The following PDILT variants were observed in gnomAD, a reference collection of about 807,000 sequenced individuals.
PDILT encodes protein disulfide-isomerase-like protein of the testis.
PDILT carries 43 observed loss-of-function variants against 53.7 expected under a neutral mutation model. The observed-to-expected ratio is 0.80, with a 90% CI of 0.63 to 1.03. PDILT has a LOEUF of 1.03. Ranked by LOEUF, PDILT falls within the 50% of genes least tolerant of loss-of-function variation. The pLI, the probability that PDILT is intolerant of heterozygous loss-of-function variation, is 0.00. For synonymous variants in PDILT, 282 were observed against 274.2 expected (o/e 1.03, Z -0.28); for missense variants, 727 against 712.3 (o/e 1.02, Z -0.24).
In PDILT at chr16:20,372,367, AC is replaced by A. The variant is rs1268230312; in HGVS notation, c.918+434del. 3.3e-5 allele frequency among the ~76,000 whole-genome samples: 5 copies of A among 152,328 alleles called. No individual in the cohort carries two copies. The East Asian group carries it at 9.6e-4, about 29-fold the overall frequency. The stretch of plus-strand genomic sequence containing the variant: ...GTTAAAGCCCAGAATCTTAGCAATT[AC>A]TTGCCAGACAATCTGTGCTACTCCC... On this transcript the variant is annotated intron_variant, in intron 7 of 11. Transcript: ENST00000302451.
At chr16:20,385,203 T>C (rs969709821) in intron 2 of PDILT, among the ~76,000 whole-genome samples, 2 of 152,350 alleles carry the variant, frequency 1.3e-5, no homozygotes, top group East Asian at 1.9e-4. Flanking sequence ...CAACCAGCTA[T>C]AATTGCTTAT....
At chr16:20,399,419 G>T in intron 1 of PDILT, 112 bp from the exon 2 acceptor site, 1 of 1,146,578 alleles carries the variant, frequency 8.7e-7, no homozygotes, top group Non-Finnish European at 1.2e-6. Context: ...TGTGGCCTGA[G>T]CATTGCCTCC....
intron 3 of PDILT, among the ~76,000 whole-genome samples, chr16:20,377,318 A>T (rs1369634955): frequency 6.6e-6 from 1 of 152,234 alleles, no homozygotes; most frequent in African/African-American, 2.4e-5. Context: ...ATTCGTTGTG[A>T]GTAGCTTTGA....
chr16:20,360,509 A>C, intron 11 of PDILT, 59 bp downstream of exon 11: 1 of 1,416,344 alleles, frequency 7.1e-7, no homozygotes, highest in South Asian at 1.2e-5. Flanking sequence ...GTTGTCCATT[A>C]AGTTCCTAGG....
intron 11 of PDILT, among the ~76,000 whole-genome samples, chr16:20,359,840 G>GCACCA (rs1190824794): frequency 1.3e-5 from 2 of 152,210 alleles, no homozygotes; most frequent in Non-Finnish European, 2.9e-5. Context: ...TGTGGCTCCT[G>GCACCA]CACCACTAGC....
Position 20,376,126 on chromosome 16 carries a change from C to T in PDILT, c.485G>A (p.Ser162Asn). The change falls in exon 4 of 12, where the codon AGC becomes AAC. Residue 162 changes from serine (S) to asparagine (N), a missense_variant. Coordinates refer to ENST00000302451, the MANE Select transcript of PDILT (RefSeq NM_174924.2). The part of the protein sequence containing the change: ...ISQKAFLFNS[S>N]EQVAEFVISR... ...TATCACAAACTCTGCCACCTGCTCG[C>T]TGCTGTTGAACAAAAATGCTTTCTG... The T allele has an allele frequency of 6.2e-7, 1 of 1,614,198 alleles. No individual in the cohort carries two copies. Among genetic ancestry groups the T allele is most frequent in the African/African-American group, 1.3e-5 (1 of 75,064 alleles).
rs1966136928 is a variant in PDILT, at chr16:20,363,449, G to A, written c.1238-867C>T. On this transcript the variant is annotated intron_variant, in intron 9 of 11. Coordinates refer to ENST00000302451, the MANE Select transcript of PDILT (RefSeq NM_174924.2). ...GATGACTTTAATGTTCTTCCAAAAA[G>A]TGTGTGTGTGTTTTTGTGTATGTGT... Among the ~76,000 whole-genome samples, 3 of 137,506 alleles carry A rather than the reference G, an allele frequency of 2.2e-5. 1 individual carries two copies. Among genetic ancestry groups the A allele is most frequent in the East Asian group, 4.2e-4 (2 of 4,794 alleles). The allele number at this position is 137,506 out of a possible 152,430, so 90.2% of individuals were successfully genotyped here.
intron 2 of PDILT, among the ~76,000 whole-genome samples, chr16:20,389,670 G>T (rs973131769): frequency 1.3e-5 from 2 of 152,140 alleles, no homozygotes; most frequent in African/African-American, 4.8e-5. Flanking sequence ...TGTCTGCTTG[G>T]TGTGTAGATG....
rs185574862 is a variant in PDILT at position 20,389,078 on chromosome 16, G to A, written c.203-4227C>T. Among the ~76,000 whole-genome samples the A allele has an allele frequency of 3.6e-3, 554 of 152,150 alleles. 4 individuals are homozygous for A. Among genetic ancestry groups the A allele is most frequent in the African/African-American group, 0.013 (530 of 41,500 alleles). On this transcript the variant is annotated intron_variant, in intron 2 of 11. Transcript: ENST00000302451. ...TTGGCCAGGTATGGAGACAATTCAC[G>A]TGTATATTGGCACTTAGGCTGAGCA...
Position 20,404,087 on chromosome 16 carries a change from A to G in PDILT, c.-8+409T>C, listed in dbSNP as rs117974841. On this transcript the variant is annotated intron_variant, in intron 1 of 11. Coordinates refer to ENST00000302451, the MANE Select transcript of PDILT (RefSeq NM_174924.2). ...TTTTGAACTTTTTAATGTAAATACC[A>G]TTGTTCACAGCTGTTTTCTCCCCTT... 3.2e-3 allele frequency among the ~76,000 whole-genome samples: 484 copies of G among 152,266 alleles called. 1 individual carries two copies. Among genetic ancestry groups the G allele is most frequent in the Non-Finnish European group, 5.5e-3 (373 of 68,014 alleles).
At chr16:20,385,276 G>A (rs911263673) in intron 2 of PDILT, among the ~76,000 whole-genome samples, 1 of 152,118 alleles carries the variant, frequency 6.6e-6, no homozygotes, top group Non-Finnish European at 1.5e-5. Context: ...TGTGGGATAG[G>A]TATTATTATT....
In PDILT at chr16:20,362,323, C is replaced by T. The variant is rs1354185028; in HGVS notation, c.1416+81G>A. 4.1e-6 allele frequency: 6 copies of T among 1,461,706 alleles called. No individual in the cohort carries two copies. The African/African-American group carries it at 7.0e-5, about 17-fold the overall frequency. The allele number at this position is 1,461,706 out of a possible 1,614,324, so 90.5% of individuals were successfully genotyped here. On this transcript the variant is annotated intron_variant, in intron 10 of 11. Coordinates refer to ENST00000302451, the MANE Select transcript of PDILT (RefSeq NM_174924.2). Reference sequence around the variant, plus strand: ...AATAAAACTGGTTTGGTAGAAAGCGCAGCTGGTGGTAGGGAGAAACTGAGT... The same window carrying T: ...AATAAAACTGGTTTGGTAGAAAGCGTAGCTGGTGGTAGGGAGAAACTGAGT...
intron 7 of PDILT, among the ~76,000 whole-genome samples, chr16:20,371,079 T>C (rs1353468220): frequency 6.6e-6 from 1 of 152,202 alleles, no homozygotes; most frequent in Non-Finnish European, 1.5e-5. Flanking sequence ...CTCTGAATTC[T>C]TTCTTACACG....
intron 1 of PDILT, 103 bp from the exon 2 acceptor site, chr16:20,399,410 G>A: frequency 1.6e-6 from 2 of 1,272,980 alleles, no homozygotes; most frequent in Non-Finnish European, 2.2e-6. Context: ...TAGGGTGAAT[G>A]TGGCCTGAGC....
At chr16:20,382,593 C>T (rs1966475737) in intron 3 of PDILT, among the ~76,000 whole-genome samples, 1 of 152,176 alleles carries the variant, frequency 6.6e-6, no homozygotes. Context: ...TCAGTTTCTC[C>T]ATCTGTAAAA....
At chr16:20,377,075 A>T (rs575166128) in intron 3 of PDILT, among the ~76,000 whole-genome samples, 1 of 152,170 alleles carries the variant, frequency 6.6e-6, no homozygotes, top group Non-Finnish European at 1.5e-5. Context: ...ACTTGGGGCC[A>T]GGAGTTTGGG....
intron 2 of PDILT, among the ~76,000 whole-genome samples, chr16:20,393,235 T>A (rs1489293592): frequency 8.5e-5 from 13 of 152,186 alleles, no homozygotes; most frequent in Non-Finnish European, 1.0e-4. Context: ...TGTGCAGAAC[T>A]AGCTGGAGGA....
At chr16:20,396,797 G>A (rs1825219758) in intron 2 of PDILT, among the ~76,000 whole-genome samples, 1 of 152,176 alleles carries the variant, frequency 6.6e-6, no homozygotes, top group Non-Finnish European at 1.5e-5. Context: ...TAAAGTCCTT[G>A]AGAGCAGAAA....
At chr16:20,363,277 C>T (rs112329249) in intron 9 of PDILT, among the ~76,000 whole-genome samples, 195 of 152,214 alleles carry the variant, frequency 1.3e-3, no homozygotes, top group African/African-American at 4.4e-3. Flanking sequence ...CTCAAGAGAT[C>T]CTTCCATCTC....
Sources: allele counts gnomAD v4.1 joint callset (sites outside exome capture counted in the v4.1 genomes callset), GRCh38; gene constraint gnomAD v4.1.1; transcripts MANE v1.5; gene names NCBI Gene and HGNC (gene_info 2026-07-23, HGNC 2026-07-21).